The following BPIFB4 variants were observed in gnomAD, a reference collection of about 807,000 sequenced individuals.
BPIFB4 encodes the protein BPI fold-containing family B member 4.
BPIFB4 carries 62 observed loss-of-function variants against 69.2 expected under a neutral mutation model. That is an observed-to-expected ratio of 0.90 (90% CI 0.73 to 1.11). BPIFB4 has a LOEUF of 1.11. Ranked by LOEUF, BPIFB4 falls within the 50% of genes least tolerant of loss-of-function variation. The probability of loss-of-function intolerance (pLI) is 0.00; values close to 1 mark genes in which losing one functional copy is unlikely to be tolerated. For synonymous variants in BPIFB4, 330 were observed against 332.7 expected (o/e 0.99, Z 0.09); for missense variants, 789 against 792.0 (o/e 1.00, Z 0.04).
At chr20:33,098,038 A>C (rs1981804714) in intron 13 of BPIFB4, among the ~76,000 whole-genome samples, 1 of 152,160 alleles carries the variant, frequency 6.6e-6, no homozygotes, top group African/African-American at 2.4e-5. Flanking sequence ...TTTGCTTGGC[A>C]TTTCCTTCTG....
chr20:33,102,020 T>C (rs1361571090), intron 14 of BPIFB4, among the ~76,000 whole-genome samples: 3 of 152,202 alleles, frequency 2.0e-5, no homozygotes, highest in African/African-American at 2.4e-5. Flanking sequence ...ATTAATATAG[T>C]GCACATCAGA....
chr20:33,092,768 T>C (rs980708212), intron 11 of BPIFB4, 110 bp downstream of exon 11: 1 of 1,048,492 alleles, frequency 9.5e-7, no homozygotes, highest in Admixed American at 1.9e-5. Context: ...GAACTGCAGA[T>C]GGTCCACCCC....
chr20:33,084,282 C>T (rs961673362), intron 5 of BPIFB4, among the ~76,000 whole-genome samples: 1 of 152,226 alleles, frequency 6.6e-6, no homozygotes, highest in Non-Finnish European at 1.5e-5. Flanking sequence ...AAAGCTCCTG[C>T]TATGTGCAGA....
intron 7 of BPIFB4, among the ~76,000 whole-genome samples, chr20:33,087,257 C>T (rs1981458168): frequency 6.6e-6 from 1 of 152,188 alleles, no homozygotes; most frequent in Non-Finnish European, 1.5e-5. Context: ...TCCTATCCCA[C>T]CTCCCTCTGC....
At position 33,092,625 on chromosome 20, in the gene BPIFB4, G is replaced by C; in HGVS notation, c.1311G>C (p.Gln437His). 1.2e-6 allele frequency: 2 copies of C among 1,612,572 alleles called. No homozygotes were observed. The highest frequency in any genetic ancestry group is 1.7e-6 in the Non-Finnish European group (2 of 1,180,014). ...LGSVLTLLQK[Q>H]HALDLDITNG... ...CAGTGCTGACTCTACTGCAGAAGCA[G>C]CATGCTCTAGACCTGGATATCACCA... Residue 437 changes from glutamine to histidine, a missense_variant, in exon 11 of 18, where the codon CAG (glutamine) becomes CAC (histidine). Physicochemically the swap from Gln to His is conservative, Grantham distance 24. This residue lies in a region of BPIFB4 where 611 missense variants were observed against 575.4 expected (regional missense o/e 1.06). Transcript: ENST00000375483.
In BPIFB4 at chr20:33,092,445, T is replaced by C; in HGVS notation, c.1144-13T>C. The C allele has an allele frequency of 1.2e-6, 2 of 1,607,030 alleles. No homozygotes were observed. The highest frequency in any genetic ancestry group is 1.7e-6 in the Non-Finnish European group (2 of 1,174,336). On this transcript the variant is annotated splice_polypyrimidine_tract_variant and intron_variant, in intron 10 of 17. Transcript: ENST00000375483. Reference sequence around the variant, plus strand: ...CTCCCTCCCTGTGACCCCTTTCTTCTCTTCTCCCCCAGACGCTGGTTGGGG... The same window carrying C: ...CTCCCTCCCTGTGACCCCTTTCTTCCCTTCTCCCCCAGACGCTGGTTGGGG...
chr20:33,105,967 A>C (rs76187809), intron 16 of BPIFB4, among the ~76,000 whole-genome samples: 8,124 of 152,280 alleles, frequency 0.053, 290 homozygotes, highest in Non-Finnish European at 0.08. Context: ...ATAGTCCCCA[A>C]AGTGAGCTCC....
chr20:33,096,980 A>G (rs1319693958), intron 12 of BPIFB4, among the ~76,000 whole-genome samples: 3 of 152,240 alleles, frequency 2.0e-5, no homozygotes, highest in Non-Finnish European at 4.4e-5. Flanking sequence ...CCTTTAGTAA[A>G]TTAGCTTTCA....
chr20:33,109,810 G>A (rs1341429234), intron 17 of BPIFB4, among the ~76,000 whole-genome samples: 3 of 152,162 alleles, frequency 2.0e-5, no homozygotes, highest in Admixed American at 1.3e-4. Context: ...GTAATCAAAT[G>A]TGTAATGGGT....
At position 33,083,885 on chromosome 20, in the gene BPIFB4, G is replaced by A. The variant is rs1425576271; in HGVS notation, c.677+11G>A. The A allele has an allele frequency of 1.3e-6, 2 of 1,591,946 alleles. No individual in the cohort carries two copies. Among genetic ancestry groups the A allele is most frequent in the East Asian group, 2.2e-5 (1 of 44,502 alleles). The stretch of plus-strand genomic sequence containing the variant: ...GCAAGGCATCACGGGGTAAGGAGGG[G>A]ACGGGTTCTCCCCAGAAAGCCCCCA... On this transcript the variant is annotated intron_variant, in intron 5 of 17. Coordinates refer to ENST00000375483, the MANE Select transcript of BPIFB4 (RefSeq NM_182519.3).
At chr20:33,098,722 G>A (rs1981825549) in intron 13 of BPIFB4, among the ~76,000 whole-genome samples, 1 of 148,636 alleles carries the variant, frequency 6.7e-6, no homozygotes, top group African/African-American at 2.5e-5. Flanking sequence ...TCCAGCCCGG[G>A]TGACAGAGCA....
At chr20:33,085,976 G>C (rs1183628848) in intron 6 of BPIFB4, 45 bp from the exon 7 acceptor site, 14 of 1,578,614 alleles carry the variant, frequency 8.9e-6, no homozygotes, top group Non-Finnish European at 1.2e-5. Context: ...GCTCCTGGCG[G>C]CTGGGGGTGA....
intron 10 of BPIFB4, 55 bp downstream of exon 10, chr20:33,090,854 G>T (rs1981580646): frequency 6.2e-7 from 1 of 1,602,204 alleles, no homozygotes; most frequent in Admixed American, 1.7e-5. Context: ...AAAGGCAGGA[G>T]TATCAGTGAG....
intron 3 of BPIFB4, 58 bp from the exon 4 acceptor site, chr20:33,082,880 G>A: frequency 1.3e-6 from 2 of 1,524,892 alleles, no homozygotes; most frequent in Admixed American, 1.7e-5. Flanking sequence ...GTGCTGCCTG[G>A]GGGCTGGAGG....
At chr20:33,102,852 C>T (rs1981942823) in intron 14 of BPIFB4, 120 bp from the exon 15 acceptor site, 2 of 1,014,538 alleles carry the variant, frequency 2.0e-6, no homozygotes, top group Admixed American at 1.8e-5. Context: ...TATTAAATCC[C>T]TGCAGGTGGA....
chr20:33,100,620 G>A, intron 14 of BPIFB4, 127 bp downstream of exon 14: 1 of 791,292 alleles, frequency 1.3e-6, no homozygotes, highest in Non-Finnish European at 2.0e-6. Context: ...CTGCAAAGGT[G>A]ACGATGGCTC....
In BPIFB4 at chr20:33,090,819, G is replaced by A; in HGVS notation, c.1143+20G>A. 1.2e-6 allele frequency: 2 copies of A among 1,613,654 alleles called. No homozygotes were observed. The highest frequency in any genetic ancestry group is 1.7e-6 in the Non-Finnish European group (2 of 1,179,778). On this transcript the variant is annotated intron_variant, in intron 10 of 17. Coordinates refer to ENST00000375483, the MANE Select transcript of BPIFB4 (RefSeq NM_182519.3). ...CTCAACGTGAGTGCCTGGGGTTCAG[G>A]GCAAAGGGTGGTGGCCCTCCTCCCA...
chr20:33,101,510 G>A (rs1981908117), intron 14 of BPIFB4, among the ~76,000 whole-genome samples: 1 of 152,154 alleles, frequency 6.6e-6, no homozygotes, highest in Admixed American at 6.5e-5. Flanking sequence ...CTTTCCGTGT[G>A]CCAGGTATTT....
At chr20:33,089,431 G>A (rs1390021758) in intron 8 of BPIFB4, 67 bp from the exon 9 acceptor site, 21 of 1,610,142 alleles carry the variant, frequency 1.3e-5, no homozygotes, top group East Asian at 4.5e-5. Flanking sequence ...TTACTCTTGC[G>A]TCCCCGACTC....
Sources: allele counts gnomAD v4.1 joint callset (sites outside exome capture counted in the v4.1 genomes callset), GRCh38; gene constraint gnomAD v4.1.1; regional missense constraint gnomAD v4.1.1; transcripts MANE v1.5; gene names NCBI Gene and HGNC (gene_info 2026-07-23, HGNC 2026-07-21).